Variants in MAGI1 observed in about 807,000 individuals in gnomAD.
MAGI1 encodes membrane-associated guanylate kinase, WW and PDZ domain-containing protein 1.
A neutral mutation model predicts 139.9 loss-of-function variants in MAGI1; 58 were observed. That is an observed-to-expected ratio of 0.41 (90% confidence interval 0.34 to 0.52). The LOEUF (loss-of-function observed/expected upper bound fraction) is 0.52, where lower values mean the gene tolerates loss of function less well. Among genes scored for constraint, MAGI1 ranks in the 20% least tolerant of loss-of-function variants. The probability of loss-of-function intolerance (pLI) is 0.12; values close to 1 mark genes in which losing one functional copy is unlikely to be tolerated. For synonymous variants in MAGI1, 812 were observed against 737.9 expected (o/e 1.10, Z -1.63); for missense variants, 1,874 against 1,901.6 (o/e 0.99, Z 0.27).
At chr3:65,967,961 T>C (rs1226545368) in intron 1 of MAGI1, among the ~76,000 whole-genome samples, 1 of 152,180 alleles carries the variant, frequency 6.6e-6, no homozygotes, top group Non-Finnish European at 1.5e-5. Flanking sequence ...GAGGCAGTGC[T>C]CTCAAAGGAG....
At chr3:65,565,056 G>A (rs537091110) in intron 2 of MAGI1, among the ~76,000 whole-genome samples, 6 of 152,098 alleles carry the variant, frequency 3.9e-5, no homozygotes, top group South Asian at 2.1e-4. Flanking sequence ...TAGATAACAC[G>A]AATAGGCTCC....
intron 1 of MAGI1, among the ~76,000 whole-genome samples, chr3:65,890,257 C>T (rs1460178453): frequency 6.6e-6 from 1 of 152,044 alleles, no homozygotes; most frequent in Admixed American, 6.6e-5. Flanking sequence ...CCCAGCTACT[C>T]GGGAGGCTGA....
chr3:65,734,355 G>C lies in MAGI1; in HGVS notation c.314-112267C>G, dbSNP rs147792112. Among the ~76,000 whole-genome samples, 9 of 152,046 alleles carry C rather than the reference G, an allele frequency of 5.9e-5. No individual in the cohort carries two copies. In the East Asian group the frequency reaches 1.7e-3, roughly 30 times the overall value. ...CTTGCCTGTAGCCCTAGCTACTTTG[G>C]AGACTGAGGCAGGAGGATCTCTTGA... On this transcript the variant is annotated intron_variant, in intron 1 of 22. Transcript: ENST00000402939.
In MAGI1 at chr3:65,835,388, A is replaced by G. The variant is rs567243365; in HGVS notation, c.313+202608T>C. On this transcript the variant is annotated intron_variant, in intron 1 of 22. Transcript: ENST00000402939. ...CAGACTTGTCTGGCAGGAAGAGAAAATAGTGTTAAAGGGGCCACTTAATAG... is the reference window on the plus strand; with the variant it reads ...CAGACTTGTCTGGCAGGAAGAGAAAGTAGTGTTAAAGGGGCCACTTAATAG... 2.0e-4 allele frequency among the ~76,000 whole-genome samples: 31 copies of G among 152,364 alleles called. 1 individual carries two copies. The highest frequency in any genetic ancestry group is 1.2e-3 in the Admixed American group (18 of 15,310).
At chr3:65,954,585 T>A (rs934205300) in intron 1 of MAGI1, 2 of 152,458 alleles carry the variant, frequency 1.3e-5, no homozygotes, top group Admixed American at 6.6e-5. Context: ...GAAATAGTTA[T>A]CTACAGAGAG....
At chr3:65,672,663 C>T in intron 1 of MAGI1, among the ~76,000 whole-genome samples, 1 of 152,134 alleles carries the variant, frequency 6.6e-6, no homozygotes, top group Admixed American at 6.6e-5. Context: ...ATTATGAAAC[C>T]ACAATAGAAT....
At chr3:65,704,410 CA>C (rs1264263389) in intron 1 of MAGI1, among the ~76,000 whole-genome samples, 1 of 152,166 alleles carries the variant, frequency 6.6e-6, no homozygotes, top group Non-Finnish European at 1.5e-5. Context: ...GTGGGAAGCT[CA>C]AATCAGGCTG....
chr3:65,717,418 A>G (rs1195579069), intron 1 of MAGI1: 2 of 152,204 alleles, frequency 1.3e-5, no homozygotes, highest in Admixed American at 6.5e-5. Context: ...AGATGAAGCA[A>G]TCTTTGAACA....
intron 1 of MAGI1, among the ~76,000 whole-genome samples, chr3:65,887,950 T>G (rs1294050594): frequency 1.3e-5 from 2 of 152,204 alleles, no homozygotes; most frequent in Non-Finnish European, 2.9e-5. Context: ...AGAACCTGTA[T>G]ATTACACTCT....
At chr3:65,400,205 G>A (rs1049404666) in intron 13 of MAGI1, among the ~76,000 whole-genome samples, 6 of 152,116 alleles carry the variant, frequency 3.9e-5, no homozygotes, top group Admixed American at 2.6e-4. Context: ...CTGCCTGGAC[G>A]TTAACACACA....
intron 1 of MAGI1, among the ~76,000 whole-genome samples, chr3:65,838,249 T>C (rs964567733): frequency 6.6e-6 from 1 of 151,896 alleles, no homozygotes; most frequent in Admixed American, 6.6e-5. Flanking sequence ...GAGATGGAGG[T>C]TGCAGTGAGC....
chr3:65,404,904 C>T (rs1351822102), intron 12 of MAGI1, among the ~76,000 whole-genome samples: 3 of 152,180 alleles, frequency 2.0e-5, no homozygotes, highest in Non-Finnish European at 4.4e-5. Context: ...ACTTTGTATG[C>T]CTTGTGGCAG....
intron 3 of MAGI1, among the ~76,000 whole-genome samples, chr3:65,483,354 A>G (rs762829139): frequency 4.6e-5 from 7 of 152,168 alleles, no homozygotes; most frequent in Non-Finnish European, 1.0e-4. Flanking sequence ...CTGGCCCCTC[A>G]GGCATTTGAG....
chr3:65,426,384 G>A (rs1197627861), intron 12 of MAGI1, among the ~76,000 whole-genome samples: 2 of 152,146 alleles, frequency 1.3e-5, no homozygotes, highest in African/African-American at 4.8e-5. Flanking sequence ...TCAAAAACGA[G>A]CTCTAGAGAT....
intron 1 of MAGI1, among the ~76,000 whole-genome samples, chr3:65,646,647 G>A (rs1041283748): frequency 6.6e-6 from 1 of 151,982 alleles, no homozygotes; most frequent in Non-Finnish European, 1.5e-5. Context: ...ACCGTGTTGT[G>A]TATGATAAAA....
At chr3:65,485,133 C>T (rs1441878260) in intron 3 of MAGI1, among the ~76,000 whole-genome samples, 1 of 152,150 alleles carries the variant, frequency 6.6e-6, no homozygotes, top group Non-Finnish European at 1.5e-5. Context: ...GCATGACTCA[C>T]AACACTTTCT....
At chr3:65,415,024 A>AC (rs1946096656) in intron 12 of MAGI1, among the ~76,000 whole-genome samples, 1 of 151,350 alleles carries the variant, frequency 6.6e-6, no homozygotes, top group Non-Finnish European at 1.5e-5. Context: ...AAAAAACAAA[A>AC]AAAAAAAAAA....
intron 1 of MAGI1, among the ~76,000 whole-genome samples, chr3:66,002,535 G>A (rs1468911084): frequency 6.6e-6 from 1 of 151,480 alleles, no homozygotes; most frequent in Non-Finnish European, 1.5e-5. Context: ...TTGTTTTTTG[G>A]GGACAGACTC....
At chr3:65,852,585 C>A (rs559183452) in intron 1 of MAGI1, among the ~76,000 whole-genome samples, 2 of 151,172 alleles carry the variant, frequency 1.3e-5, no homozygotes, top group African/African-American at 4.9e-5. Context: ...CTCACCGCAA[C>A]CTCTGCCTCC....
Sources: allele counts gnomAD v4.1 joint callset (sites outside exome capture counted in the v4.1 genomes callset), GRCh38; gene constraint gnomAD v4.1.1; transcripts MANE v1.5; gene names NCBI Gene and HGNC (gene_info 2026-07-23, HGNC 2026-07-21).